Variants in PRKD1 observed in about 807,000 individuals in gnomAD.
PRKD1 encodes protein kinase D1, also known as serine/threonine-protein kinase D1.
In PRKD1, 63 loss-of-function variants were observed where a neutral mutation model predicts 95.9. That is an observed-to-expected ratio of 0.66 (90% CI 0.54 to 0.81). PRKD1 has a LOEUF of 0.81. PRKD1 is among the 30% of genes least tolerant of loss of function. The pLI, the probability that PRKD1 is intolerant of heterozygous loss-of-function variation, is 0.00. For missense variants in PRKD1, 1,048 were observed against 1,165.3 expected (o/e 0.90, Z 1.47); for synonymous variants, 425 against 423.1 (o/e 1.00, Z -0.05).
intron 2 of PRKD1, among the ~76,000 whole-genome samples, chr14:29,686,521 T>C (rs1883880154): frequency 6.6e-6 from 1 of 152,210 alleles, no homozygotes; most frequent in Non-Finnish European, 1.5e-5. Flanking sequence ...ATGTCAGCTT[T>C]CCTTCTGGAG....
chr14:29,876,498 G>T (rs1893294870), intron 1 of PRKD1, among the ~76,000 whole-genome samples: 1 of 151,962 alleles, frequency 6.6e-6, no homozygotes, highest in Admixed American at 6.6e-5. Flanking sequence ...AAATTTTACT[G>T]GAAATTTACT....
rs1021976569 is a variant in PRKD1, at chr14:29,927,840, G to C, written c.-328C>G. On this transcript the variant is annotated 5_prime_UTR_variant, in exon 1 of 18. Coordinates refer to ENST00000331968, the MANE Select transcript of PRKD1 (RefSeq NM_002742.3). ...TGCCGCCTGGCGCGCTCGGAAGGAC[G>C]GGGCGACGGGTCGGCGCGGCCCGAG... 1.3e-5 allele frequency: 2 copies of C among 151,382 alleles called. No individual in the cohort carries two copies. Among genetic ancestry groups the C allele is most frequent in the East Asian group, 3.9e-4 (2 of 5,070 alleles). 9.4% of individuals were successfully genotyped at this position (151,382 alleles called of 1,614,324 possible).
chr14:29,826,128 C>CTA (rs1194881143), intron 1 of PRKD1, among the ~76,000 whole-genome samples: 1 of 148,382 alleles, frequency 6.7e-6, no homozygotes, highest in African/African-American at 2.5e-5. Flanking sequence ...GTGTCTCTCT[C>CTA]TATATATATA....
chr14:29,920,627 A>AC (rs1895068760), intron 1 of PRKD1, among the ~76,000 whole-genome samples: 2 of 127,200 alleles, frequency 1.6e-5, no homozygotes, highest in Admixed American at 7.6e-5. Context: ...CACACACACA[A>AC]AGTTTCATAT....
chr14:29,895,588 T>C (rs979973290), intron 1 of PRKD1, among the ~76,000 whole-genome samples: 7 of 151,744 alleles, frequency 4.6e-5, no homozygotes, highest in African/African-American at 1.7e-4. Context: ...AAAGGTGGAG[T>C]CCTGAAGTGT....
intron 4 of PRKD1, among the ~76,000 whole-genome samples, chr14:29,652,147 C>A (rs886171925): frequency 6.6e-6 from 1 of 152,118 alleles, no homozygotes; most frequent in African/African-American, 2.4e-5. Flanking sequence ...ATTAGATGGA[C>A]GCAGATGCCC....
At chr14:29,807,626 T>C (rs1890289596) in intron 1 of PRKD1, among the ~76,000 whole-genome samples, 1 of 151,926 alleles carries the variant, frequency 6.6e-6, no homozygotes, top group African/African-American at 2.4e-5. Flanking sequence ...TCACACTTCT[T>C]GAGCTCAAGT....
chr14:29,613,939 G>T (rs1316382291), intron 13 of PRKD1, among the ~76,000 whole-genome samples: 2 of 152,160 alleles, frequency 1.3e-5, no homozygotes, highest in African/African-American at 4.8e-5. Context: ...CTACTATGTG[G>T]AACATGCTGG....
At chr14:29,860,813 G>GAC (rs1223911602) in intron 1 of PRKD1, among the ~76,000 whole-genome samples, 1 of 152,054 alleles carries the variant, frequency 6.6e-6, no homozygotes. Flanking sequence ...TAATTTAAAT[G>GAC]ACATTCCTAA....
intron 13 of PRKD1, among the ~76,000 whole-genome samples, chr14:29,618,624 G>C (rs1879033132): frequency 6.6e-6 from 1 of 152,140 alleles, no homozygotes; most frequent in African/African-American, 2.4e-5. Context: ...AATGAAAATA[G>C]AGCTATTCCA....
At chr14:29,648,483 G>T (rs1881278822) in intron 4 of PRKD1, among the ~76,000 whole-genome samples, 1 of 152,112 alleles carries the variant, frequency 6.6e-6, no homozygotes, top group Non-Finnish European at 1.5e-5. Flanking sequence ...CTTTTTATTA[G>T]AGTCTTTAAA....
At chr14:29,720,779 C>CA (rs199687649) in intron 2 of PRKD1, among the ~76,000 whole-genome samples, 40,425 of 145,522 alleles carry the variant, frequency 0.28, 6,117 homozygotes, top group African/African-American at 0.38. Context: ...GATTCTGTCT[C>CA]AAAAAAAATA....
At chr14:29,744,144 C>A (rs971329179) in intron 1 of PRKD1, among the ~76,000 whole-genome samples, 1 of 152,226 alleles carries the variant, frequency 6.6e-6, no homozygotes, top group African/African-American at 2.4e-5. Flanking sequence ...AAAACATGGA[C>A]TCATCTATCT....
In PRKD1 at chr14:29,892,199, C is replaced by T. The variant is rs189933138; in HGVS notation, c.264+35050G>A. ...CTTCATTTTAGCACCCATGTATGTA[C>T]ATCCAACCATTCCTTCTTTCATTTC... On this transcript the variant is annotated intron_variant, in intron 1 of 17. Transcript: ENST00000331968. Among the ~76,000 whole-genome samples the T allele has an allele frequency of 7.2e-5, 11 of 152,286 alleles. No individual in the cohort carries two copies. The East Asian group carries it at 1.7e-3, about 24-fold the overall frequency.
chr14:29,795,038 A>G (rs1889751834), intron 1 of PRKD1, among the ~76,000 whole-genome samples: 1 of 152,040 alleles, frequency 6.6e-6, no homozygotes, highest in South Asian at 2.1e-4. Flanking sequence ...TTTCCTTTCA[A>G]AATTACTTTT....
At chr14:29,743,576 A>G (rs1055059222) in intron 1 of PRKD1, among the ~76,000 whole-genome samples, 1 of 152,162 alleles carries the variant, frequency 6.6e-6, no homozygotes, top group Non-Finnish European at 1.5e-5. Context: ...AAAACTTCAA[A>G]CACAACAATC....
chr14:29,626,601 A>C (rs1459025949), intron 11 of PRKD1, 45 bp from the exon 12 acceptor site: 1 of 1,256,666 alleles, frequency 8.0e-7, no homozygotes, highest in Non-Finnish European at 1.1e-6. Flanking sequence ...AGCAGAACAA[A>C]ACATTAGTCC....
At chr14:29,759,005 C>T (rs1887843214) in intron 1 of PRKD1, among the ~76,000 whole-genome samples, 1 of 152,188 alleles carries the variant, frequency 6.6e-6, no homozygotes, top group African/African-American at 2.4e-5. Flanking sequence ...AAGCTGTGCT[C>T]CAAAGCAGTA....
At chr14:29,579,383 T>TC (rs1892679584) in intron 16 of PRKD1, among the ~76,000 whole-genome samples, 1 of 151,982 alleles carries the variant, frequency 6.6e-6, no homozygotes, top group South Asian at 2.1e-4. Context: ...TTTCAAAGAG[T>TC]TAATTTTTGC....
Sources: gnomAD v4.1 joint callset for allele counts (sites outside exome capture counted in the v4.1 genomes callset) on GRCh38, gnomAD v4.1.1 for gene constraint, MANE v1.5 for transcripts, NCBI Gene and HGNC (gene_info 2026-07-23, HGNC 2026-07-21) for gene names.